The following VPS33A variants were observed in gnomAD, a reference collection of about 807,000 sequenced individuals.
VPS33A encodes vacuolar protein sorting-associated protein 33A.
Under a neutral mutation model 71.8 loss-of-function variants are expected in VPS33A, and 32 were observed. That is an observed-to-expected ratio of 0.45 (90% CI 0.34 to 0.60). The LOEUF is 0.60. Ranked by LOEUF, VPS33A falls within the 20% of genes least tolerant of loss-of-function variation. The pLI is 0.02. For synonymous variants in VPS33A, 311 were observed against 292.7 expected (o/e 1.06, Z -0.64); for missense variants, 625 against 748.5 (o/e 0.84, Z 1.92).
At chr12:122,251,860 A>C (rs1223047791) in intron 4 of VPS33A, among the ~76,000 whole-genome samples, 1 of 151,798 alleles carries the variant, frequency 6.6e-6, no homozygotes, top group Non-Finnish European at 1.5e-5. Context: ...CCAACATGGC[A>C]CATGTATACA....
intron 4 of VPS33A, 145 bp downstream of exon 4, chr12:122,261,116 T>C: frequency 1.5e-6 from 1 of 656,130 alleles, no homozygotes; most frequent in Non-Finnish European, 2.3e-6. Context: ...GCAAAGAAAA[T>C]GAACAATTTG....
rs7296586 is a variant in VPS33A at position 122,233,723 on chromosome 12, T to C, written c.1441-755A>G. Reference sequence around the variant, plus strand: ...AAAGACTGGAAACAACCTGAATTTCTATCAATAGCAATCTGTTAAATCATT... The same window carrying C: ...AAAGACTGGAAACAACCTGAATTTCCATCAATAGCAATCTGTTAAATCATT... On this transcript the variant is annotated intron_variant, in intron 11 of 12. Transcript: ENST00000267199. Among the ~76,000 whole-genome samples, 1,386 of 152,332 alleles carry C rather than the reference T, an allele frequency of 9.1e-3. 17 individuals are homozygous for C. The highest frequency in any genetic ancestry group is 0.032 in the African/African-American group (1,310 of 41,572).
chr12:122,256,291 A>C (rs1954917719), intron 4 of VPS33A, among the ~76,000 whole-genome samples: 1 of 151,962 alleles, frequency 6.6e-6, no homozygotes, highest in Non-Finnish European at 1.5e-5. Flanking sequence ...GAAGAAAAAA[A>C]GGCCAGGCAC....
chr12:122,249,658 T>C (rs1566045639), intron 6 of VPS33A: 2 of 398,042 alleles, frequency 5.0e-6, no homozygotes, highest in Non-Finnish European at 8.8e-6. Context: ...GGCACATTCT[T>C]AGGCTTTGGG....
chr12:122,251,635 T>A (rs1213831684), intron 4 of VPS33A, among the ~76,000 whole-genome samples: 1 of 151,984 alleles, frequency 6.6e-6, no homozygotes, highest in Non-Finnish European at 1.5e-5. Context: ...TATTTTTGCA[T>A]TGAAAAAAGG....
In VPS33A at chr12:122,242,389, A is replaced by T. The variant is rs748862967; in HGVS notation, c.1089T>A (p.Asp363Glu). ...ATTACAAAGGATACTCACTAGTGAC[A>T]TCTTTGATCAATTCTGCAATTGAGG... ...NHTSIAELIKDVTTSEDFFDK... is the reference protein window; with the variant it reads ...NHTSIAELIKEVTTSEDFFDK... The change falls in exon 8 of 13, where the codon GAT becomes GAA. Residue 363 changes from aspartate to glutamate, a missense_variant. Transcript: ENST00000267199. 1 of 1,613,386 alleles carries T rather than the reference A, an allele frequency of 6.2e-7. No homozygotes were observed. Among genetic ancestry groups the T allele is most frequent in the Non-Finnish European group, 8.5e-7 (1 of 1,179,336 alleles).
Position 122,250,331 on chromosome 12 carries a change from G to A in VPS33A, c.601-286C>T, listed in dbSNP as rs77368594. Among the ~76,000 whole-genome samples, 7,623 of 152,272 alleles carry A rather than the reference G, an allele frequency of 0.05. 642 individuals are homozygous for A. The highest frequency in any genetic ancestry group is 0.17 in the African/African-American group (7,174 of 41,532). On this transcript the variant is annotated intron_variant, in intron 5 of 12. Coordinates refer to ENST00000267199, the MANE Select transcript of VPS33A (RefSeq NM_022916.6). ...AAGTCACTGCAAACACTAAATTAGCGAAGATGGAACCACTGTTCCTAGGAG... is the reference window on the plus strand; with the variant it reads ...AAGTCACTGCAAACACTAAATTAGCAAAGATGGAACCACTGTTCCTAGGAG...
At chr12:122,257,648 GGGTGACA>G (rs1006807951) in intron 4 of VPS33A, among the ~76,000 whole-genome samples, 1 of 151,922 alleles carries the variant, frequency 6.6e-6, no homozygotes, top group African/African-American at 2.4e-5. Context: ...ACTCCAGCCT[GGGTGACA>G]GTGTGAGACT....
chr12:122,238,558 G>C, intron 10 of VPS33A, 29 bp downstream of exon 10: 1 of 1,592,134 alleles, frequency 6.3e-7, no homozygotes, highest in Middle Eastern at 1.7e-4. Context: ...GTCCCCCTTG[G>C]CAAATTAATA....
intron 1 of VPS33A, 99 bp downstream of exon 1, chr12:122,266,208 A>T: frequency 6.6e-7 from 1 of 1,517,940 alleles, no homozygotes; most frequent in Non-Finnish European, 8.8e-7. Context: ...TGGAAGCCCC[A>T]AGGACCTCAT....
At chr12:122,236,139 A>G (rs920939706) in intron 10 of VPS33A, among the ~76,000 whole-genome samples, 1 of 152,184 alleles carries the variant, frequency 6.6e-6, no homozygotes, top group Non-Finnish European at 1.5e-5. Flanking sequence ...TCACTGTTTC[A>G]AAGAGAAATT....
intron 9 of VPS33A, 42 bp from the exon 10 acceptor site, chr12:122,238,766 T>TACAGACAC: frequency 7.4e-7 from 1 of 1,354,076 alleles, no homozygotes; most frequent in African/African-American, 2.0e-5. Context: ...CATTTACATA[T>TACAGACAC]ACATACACAC....
intron 7 of VPS33A, among the ~76,000 whole-genome samples, chr12:122,243,691 G>A (rs1183305174): frequency 6.6e-6 from 1 of 152,130 alleles, no homozygotes; most frequent in South Asian, 2.1e-4. Flanking sequence ...GATAAAATCT[G>A]GAATTACATG....
intron 6 of VPS33A, 120 bp from the exon 7 acceptor site, chr12:122,244,882 T>C: frequency 1.1e-6 from 1 of 922,122 alleles, no homozygotes; most frequent in Non-Finnish European, 1.6e-6. Context: ...AAACGACACA[T>C]AGCTCTGAGC....
chr12:122,260,284 G>GTT (rs879771128), intron 4 of VPS33A, among the ~76,000 whole-genome samples: 2 of 146,028 alleles, frequency 1.4e-5, no homozygotes, highest in Admixed American at 6.9e-5. Context: ...GGCATTGTGA[G>GTT]TTTTTTTTTT....
In VPS33A at chr12:122,229,708, TC is replaced by T. The variant is rs1220087513; in HGVS notation, c.*2537del. On this transcript the variant is annotated 3_prime_UTR_variant, in exon 13 of 13. Transcript: ENST00000267199. ...ATATCCTTTCTCAGTAAGGGCATAC[TC>T]TTTTGAGACAAAGACTGCTTCAAGT... The T allele has an allele frequency of 6.6e-6, 1 of 152,242 alleles. No homozygotes were observed. The highest frequency in any genetic ancestry group is 2.4e-5 in the African/African-American group (1 of 41,468). The allele number at this position is 152,242 out of a possible 1,614,324, so 9.4% of individuals were successfully genotyped here.
chr12:122,255,707 C>CAAAAAAA (rs71082953), intron 4 of VPS33A, among the ~76,000 whole-genome samples: 4 of 35,490 alleles, frequency 1.1e-4, no homozygotes, highest in Non-Finnish European at 1.5e-4. Flanking sequence ...GACTCCGTCT[C>CAAAAAAA]AAAAAAAAAA....
chr12:122,233,017 G>A (rs1954585353), intron 11 of VPS33A, 49 bp from the exon 12 acceptor site: 4 of 1,490,346 alleles, frequency 2.7e-6, no homozygotes, highest in South Asian at 2.6e-5. Context: ...GAGACTTAGA[G>A]CTACCTGACT....
chr12:122,254,176 A>G lies in VPS33A; in HGVS notation c.484-3077T>C, dbSNP rs183575952. ...GGCAGAACTCTAATTCCCACATTTT[A>G]CACAGAACAATGACATAGATGGTCA... is the stretch of plus-strand genomic sequence containing the variant. On this transcript the variant is annotated intron_variant, in intron 4 of 12. Coordinates refer to ENST00000267199, the MANE Select transcript of VPS33A (RefSeq NM_022916.6). 2.0e-5 allele frequency among the ~76,000 whole-genome samples: 3 copies of G among 152,298 alleles called. No individual in the cohort carries two copies. The East Asian group carries it at 5.8e-4, about 29-fold the overall frequency.
Sources: allele counts gnomAD v4.1 joint callset (sites outside exome capture counted in the v4.1 genomes callset), GRCh38; gene constraint gnomAD v4.1.1; transcripts MANE v1.5; gene names NCBI Gene and HGNC (gene_info 2026-07-23, HGNC 2026-07-21).